The following SLC23A3 variants were observed in gnomAD, a reference collection of about 807,000 sequenced individuals.
The protein encoded by SLC23A3 is solute carrier family 23 member 3.
A neutral mutation model predicts 64.7 loss-of-function variants in SLC23A3; 41 were observed. That is an observed-to-expected ratio of 0.63 (90% confidence interval 0.49 to 0.82). SLC23A3 has a LOEUF of 0.82. Among genes scored for constraint, SLC23A3 ranks in the 40% least tolerant of loss-of-function variants. SLC23A3 has a pLI of 0.00. For missense variants in SLC23A3, 647 were observed against 733.4 expected, an observed-to-expected ratio of 0.88 and a Z score of 1.36; for synonymous variants, 281 against 306.8, an observed-to-expected ratio of 0.92 and a Z score of 0.88.
intron 7 of SLC23A3, among the ~76,000 whole-genome samples, 195 bp downstream of exon 7, chr2:219,167,735 G>A (rs1340623452): frequency 1.3e-5 from 2 of 152,038 alleles, no homozygotes; most frequent in African/African-American, 2.4e-5. Context: ...GTGAGACCCT[G>A]TCTCAAACAA....
chr2:219,163,019 A>T (rs1949965466), intron 10 of SLC23A3, among the ~76,000 whole-genome samples: 1 of 152,114 alleles, frequency 6.6e-6, no homozygotes, highest in African/African-American at 2.4e-5. Flanking sequence ...TGCATAAATG[A>T]TGGTTCCTCC....
Position 219,169,395 on chromosome 2 carries a change from A to AC in SLC23A3, c.331dup (p.Val111GlyfsTer38). 1 of 1,614,196 alleles carries AC rather than the reference A, an allele frequency of 6.2e-7. No individual in the cohort carries two copies. The highest frequency in any genetic ancestry group is 8.5e-7 in the Non-Finnish European group (1 of 1,180,026). ...AAGGAACTCTAAGGATGGAGCCTGGACAAGAGGCAGCCTGTAGGAACAGCA... is the reference window on the plus strand; with the variant it reads ...AAGGAACTCTAAGGATGGAGCCTGGACCAAGAGGCAGCCTGTAGGAACAGCA... On this transcript the variant is annotated frameshift_variant, in exon 3 of 12. Coordinates refer to ENST00000409878, the MANE Select transcript of SLC23A3 (RefSeq NM_001144889.2). LOFTEE classifies it high-confidence loss of function. The surrounding 1 kb of genome is among the most constrained non-coding windows in gnomAD (Gnocchi z 4.5).
At position 219,169,772 on chromosome 2, in the gene SLC23A3, T is replaced by TCC. The variant is rs747581981; in HGVS notation, c.162+49_162+50dup. 1.0e-5 allele frequency: 16 copies of TCC among 1,601,228 alleles called. No individual in the cohort carries two copies. The highest frequency in any genetic ancestry group is 1.4e-5 in the Non-Finnish European group (16 of 1,171,206). ...TTCACATGCCACATCTACACCTACT[T>TCC]CCCCACACACACCATCAGGCAGCAC... On this transcript the variant is annotated intron_variant, in intron 1 of 11. Coordinates refer to ENST00000409878, the MANE Select transcript of SLC23A3 (RefSeq NM_001144889.2). The surrounding 1 kb of genome is among the most constrained non-coding windows in gnomAD (Gnocchi z 4.5).
Position 219,168,835 on chromosome 2 carries a change from T to C in SLC23A3, c.493-2A>G, listed in dbSNP as rs1234952137. 6.3e-7 allele frequency: 1 copy of C among 1,580,564 alleles called. No homozygotes were observed. Among genetic ancestry groups the C allele is most frequent in the Non-Finnish European group, 8.6e-7 (1 of 1,163,750 alleles). ...AGATACTACCACTGCCCCGGACACC[T>C]GGTAGAAGAGAGGAGAGGATGGAGA... On this transcript the variant is annotated splice_acceptor_variant, in intron 4 of 11. Transcript: ENST00000409878. LOFTEE classifies it high-confidence loss of function.
rs554816053 is a variant in SLC23A3 at position 219,164,425 on chromosome 2, G to A, written c.1168-87C>T. 558 of 851,158 alleles carry A rather than the reference G, an allele frequency of 6.6e-4. 6 individuals are homozygous for A. Among genetic ancestry groups the A allele is most frequent in the South Asian group, 5.5e-3 (343 of 62,712 alleles). 52.7% of individuals were successfully genotyped at this position (851,158 alleles called of 1,614,324 possible). On this transcript the variant is annotated intron_variant, in intron 8 of 11. Coordinates refer to ENST00000409878, the MANE Select transcript of SLC23A3 (RefSeq NM_001144889.2). Reference sequence around the variant, plus strand: ...CTTACTGGTTCCTTCTCATCATTTGGATCCCAGCTCAAATGTTACTCTTCC... The same window carrying A: ...CTTACTGGTTCCTTCTCATCATTTGAATCCCAGCTCAAATGTTACTCTTCC...
At position 219,168,685 on chromosome 2, in the gene SLC23A3, T is replaced by C. The variant is rs1471236186; in HGVS notation, c.641A>G (p.Gln214Arg). The C allele has an allele frequency of 6.2e-7, 1 of 1,613,756 alleles. No homozygotes were observed. Among genetic ancestry groups the C allele is most frequent in the Middle Eastern group, 1.7e-4 (1 of 6,042 alleles). ...AGLSAHREVA[Q>R]FCFTHWGLAL... ...CAACCCCCAGTGTGTGAAGCAGAAC[T>C]GGGCTACCTCCCTGTGGGCAGAGAG... The change falls in exon 5 of 12, where the codon CAG becomes CGG. Residue 214 changes from glutamine to arginine, a missense_variant. Physicochemically the swap from Gln to Arg is conservative, Grantham distance 43. Transcript: ENST00000409878.
chr2:219,166,379 T>C (rs1010312511), intron 7 of SLC23A3, among the ~76,000 whole-genome samples: 1 of 152,098 alleles, frequency 6.6e-6, no homozygotes, highest in Admixed American at 6.5e-5. Context: ...ATACTGTTAA[T>C]AGAGACGAGG....
rs543491455 is a variant in SLC23A3 at position 219,163,392 on chromosome 2, G to A, written c.1437C>T (p.Ser479=). 20 of 1,614,130 alleles carry A rather than the reference G, an allele frequency of 1.2e-5. No homozygotes were observed. Among genetic ancestry groups the A allele is most frequent in the South Asian group, 3.3e-5 (3 of 91,078 alleles). The change falls in exon 10 of 12, where the codon AGC becomes AGT. Residue 479 remains serine (S), a synonymous_variant. Transcript: ENST00000409878. ...CGCCTCTTCCCTTCCACCTACCTGT[G>A]CTGAACAGGACTGGGGCTTCCCGAA... ...RWFREAPVLF[S]TGWSPLDVLL... is the part of the protein sequence containing the mutation.
In SLC23A3 at chr2:219,168,241, G is replaced by A; in HGVS notation, c.752C>T (p.Ser251Leu). ...QFHVCPWRRA[S>L]TSSTHTPLPV... ...GAGAGGAGTGTGAGTTGATGACGTT[G>A]AAGCTCGCCTCCAGGGGCACACATG... Residue 251 changes from serine (S) to leucine (L), a missense_variant, in exon 6 of 12, where the codon TCA (serine) becomes TTA (leucine). By Grantham distance (145) the Ser-to-Leu change is moderately radical. Coordinates refer to ENST00000409878, the MANE Select transcript of SLC23A3 (RefSeq NM_001144889.2). The A allele has an allele frequency of 6.2e-7, 1 of 1,614,042 alleles. No individual in the cohort carries two copies. The highest frequency in any genetic ancestry group is 8.5e-7 in the Non-Finnish European group (1 of 1,179,962).
At position 219,169,086 on chromosome 2, in the gene SLC23A3, G is replaced by A; in HGVS notation, c.435C>T (p.His145=). The A allele has an allele frequency of 6.2e-7, 1 of 1,614,102 alleles. No individual in the cohort carries two copies. The highest frequency in any genetic ancestry group is 1.3e-5 in the African/African-American group (1 of 75,028). The part of the protein sequence containing the change: ...QTPGNSSLML[H]LCRGPSCHGL... ...CATGGCAGCTAGGTCCCCTACAAAG[G>A]TGCAGCATGAGGGAGGCTAGGAAAA... Residue 145 remains histidine, a synonymous_variant, in exon 4 of 12, where the codon CAC becomes CAT. Transcript: ENST00000409878. The surrounding 1 kb of genome is among the most constrained non-coding windows in gnomAD (Gnocchi z 4.5).
At chr2:219,167,635 C>T (rs1039794645) in intron 7 of SLC23A3, among the ~76,000 whole-genome samples, 3 of 151,216 alleles carry the variant, frequency 2.0e-5, no homozygotes, top group Non-Finnish European at 2.9e-5. Context: ...CCAGCTACTC[C>T]GGAGGCTTAG....
chr2:219,167,311 A>G (rs990289668), intron 7 of SLC23A3, among the ~76,000 whole-genome samples: 2 of 152,194 alleles, frequency 1.3e-5, no homozygotes, highest in African/African-American at 4.8e-5. Context: ...TTTCACATAC[A>G]ATGCCTCAAA....
chr2:219,165,144 C>A, intron 8 of SLC23A3, 25 bp downstream of exon 8: 2 of 1,550,744 alleles, frequency 1.3e-6, no homozygotes, highest in Non-Finnish European at 1.7e-6. Flanking sequence ...CCATCCTACC[C>A]CACTCCCATC....
chr2:219,163,384 C>T lies in SLC23A3; in HGVS notation c.1441+4G>A. On this transcript the variant is annotated splice_donor_region_variant and intron_variant, in intron 10 of 11. Transcript: ENST00000409878. ...CTGAGCAACGCCTCTTCCCTTCCAC[C>T]TACCTGTGCTGAACAGGACTGGGGC... is the stretch of plus-strand genomic sequence containing the variant. 6.2e-7 allele frequency: 1 copy of T among 1,612,978 alleles called. No homozygotes were observed. Among genetic ancestry groups the T allele is most frequent in the Non-Finnish European group, 8.5e-7 (1 of 1,179,166 alleles).
chr2:219,164,991 G>A (rs776930524), intron 8 of SLC23A3, 178 bp downstream of exon 8: 33 of 761,108 alleles, frequency 4.3e-5, no homozygotes, highest in African/African-American at 2.0e-4. Context: ...CAGGAGTTCC[G>A]TGGTGATTTG....
chr2:219,165,817 C>T (rs1012311305), intron 7 of SLC23A3, among the ~76,000 whole-genome samples: 8 of 152,226 alleles, frequency 5.3e-5, no homozygotes, highest in Non-Finnish European at 1.0e-4. Flanking sequence ...TCCATCTCAA[C>T]TCAGTGGCCA....
Position 219,169,458 on chromosome 2 carries a change from G to A in SLC23A3, c.321-52C>T, listed in dbSNP as rs758511459. Reference sequence around the variant, plus strand: ...CTGGGACTATGTGGCAGCCAGCAAGGCTCCCCCAAACCTCTCCTACCCTCC... The same window carrying A: ...CTGGGACTATGTGGCAGCCAGCAAGACTCCCCCAAACCTCTCCTACCCTCC... On this transcript the variant is annotated intron_variant, in intron 2 of 11. Coordinates refer to ENST00000409878, the MANE Select transcript of SLC23A3 (RefSeq NM_001144889.2). This position sits in a 1 kb window ranked among gnomAD's most constrained non-coding sequence, Gnocchi z 4.5. The A allele has an allele frequency of 1.9e-6, 3 of 1,613,560 alleles. No homozygotes were observed. The highest frequency in any genetic ancestry group is 1.7e-5 in the Admixed American group (1 of 59,982).
At chr2:219,162,965 A>G (rs1949965003) in intron 10 of SLC23A3, among the ~76,000 whole-genome samples, 1 of 152,232 alleles carries the variant, frequency 6.6e-6, no homozygotes, top group African/African-American at 2.4e-5. Context: ...TAAGCAATTT[A>G]CTGCTCTCAG....
intron 7 of SLC23A3, 59 bp downstream of exon 7, chr2:219,167,871 T>C (rs1478559642): frequency 1.6e-6 from 2 of 1,275,046 alleles, no homozygotes; most frequent in Non-Finnish European, 1.1e-6. Flanking sequence ...TTAAGTTCTT[T>C]GAGTTCAAAT....
Sources: gnomAD v4.1 joint callset for allele counts (sites outside exome capture counted in the v4.1 genomes callset) on GRCh38, gnomAD v4.1.1 for gene constraint, Gnocchi (gnomAD v3.1) non-coding constraint, MANE v1.5 for transcripts, NCBI Gene and HGNC (gene_info 2026-07-23, HGNC 2026-07-21) for gene names.